Variants in JMJD1C observed in about 807,000 individuals in gnomAD.
The protein encoded by JMJD1C is jumonji domain-containing protein 1C.
In JMJD1C, 31 loss-of-function variants were observed where a neutral mutation model predicts 245.3. That is an observed-to-expected ratio of 0.13 (90% CI 0.09 to 0.17). JMJD1C has a LOEUF of 0.17. JMJD1C is among the 10% of genes least tolerant of loss of function. The probability of loss-of-function intolerance (pLI) is 1.00; values close to 1 mark genes in which losing one functional copy is unlikely to be tolerated. For synonymous variants in JMJD1C, 1,057 were observed against 1,017.4 expected (o/e 1.04, Z -0.74); for missense variants, 2,691 against 3,000.2 (o/e 0.90, Z 2.41).
At chr10:63,170,585 A>G (rs1329258073) in intron 24 of JMJD1C, among the ~76,000 whole-genome samples, 3 of 152,214 alleles carry the variant, frequency 2.0e-5, no homozygotes, top group Non-Finnish European at 4.4e-5. Context: ...TTTCTTCATT[A>G]AGCAGTCTCT....
At chr10:63,286,420 G>A (rs1027588898) in intron 2 of JMJD1C, among the ~76,000 whole-genome samples, 3 of 152,190 alleles carry the variant, frequency 2.0e-5, no homozygotes, top group East Asian at 1.9e-4. Flanking sequence ...CCGTGAACAC[G>A]GTTAAGAACA....
At chr10:63,249,027 G>A (rs954993823) in intron 3 of JMJD1C, among the ~76,000 whole-genome samples, 1 of 152,162 alleles carries the variant, frequency 6.6e-6, no homozygotes, top group Non-Finnish European at 1.5e-5. Context: ...TTAACAAGTG[G>A]ATGCTTGGCC....
chr10:63,249,073 T>C (rs1852683360), intron 3 of JMJD1C, among the ~76,000 whole-genome samples: 1 of 152,186 alleles, frequency 6.6e-6, no homozygotes, highest in African/African-American at 2.4e-5. Context: ...CCCAGCACTT[T>C]GGGAGGCCAA....
chr10:63,315,951 A>C (rs986377506), intron 2 of JMJD1C, among the ~76,000 whole-genome samples: 5 of 151,940 alleles, frequency 3.3e-5, no homozygotes, highest in Non-Finnish European at 7.4e-5. Context: ...GACAGAGTAC[A>C]TGAGCCCAGG....
At chr10:63,193,277 C>A in intron 15 of JMJD1C, 68 bp downstream of exon 15, 1 of 1,513,224 alleles carries the variant, frequency 6.6e-7, no homozygotes, top group South Asian at 1.2e-5. Context: ...AACCAAATTT[C>A]AAATAAATAT....
chr10:63,191,871 G>A (rs531042577), intron 16 of JMJD1C, among the ~76,000 whole-genome samples: 25 of 124,292 alleles, frequency 2.0e-4, no homozygotes, highest in South Asian at 2.9e-4. Context: ...TGTACTCCCC[G>A]CTACTTGGGA....
At chr10:63,508,118 G>C (rs1954776795) in intron 1 of JMJD1C, among the ~76,000 whole-genome samples, 2 of 152,132 alleles carry the variant, frequency 1.3e-5, no homozygotes, top group South Asian at 4.2e-4. Flanking sequence ...TGACTTTCTA[G>C]ATACTACACC....
At chr10:63,268,848 G>C in intron 2 of JMJD1C, 1 of 985,852 alleles carries the variant, frequency 1.0e-6, no homozygotes, top group South Asian at 4.7e-5. Context: ...CTCACTTGCA[G>C]CGGCGTCATT....
At chr10:63,271,635 ACTGCCTCCTGGGTTCAAGCGATTCTC>A (rs1434724764) in intron 2 of JMJD1C, among the ~76,000 whole-genome samples, 3 of 151,082 alleles carry the variant, frequency 2.0e-5, no homozygotes, top group Non-Finnish European at 4.4e-5. Flanking sequence ...CACTGCAACC[ACTGCCTCCTGGGTTCAAGCGATTCTC>A]CTGCCTCAGC....
chr10:63,298,332 G>A (rs1240085566), intron 2 of JMJD1C, among the ~76,000 whole-genome samples: 3 of 152,226 alleles, frequency 2.0e-5, no homozygotes, highest in Admixed American at 1.3e-4. Context: ...CTGGTGAAGT[G>A]ACATCTGTGA....
chr10:63,313,865 T>C (rs997940276), intron 2 of JMJD1C, among the ~76,000 whole-genome samples: 1 of 152,218 alleles, frequency 6.6e-6, no homozygotes, highest in Admixed American at 6.5e-5. Flanking sequence ...CTGTGAGGAT[T>C]TTCTCCCACT....
Position 63,349,100 on chromosome 10 carries a change from C to CAAAAAAA in JMJD1C, c.333+31211_333+31217dup, listed in dbSNP as rs71463516. 6.7e-3 allele frequency among the ~76,000 whole-genome samples: 235 copies of CAAAAAAA among 34,854 alleles called. 54 individuals are homozygous for CAAAAAAA. The highest frequency in any genetic ancestry group is 0.027 in the African/African-American group (225 of 8,270). The allele number at this position is 34,854 out of a possible 152,430, so 22.9% of individuals were successfully genotyped here. On this transcript the variant is annotated intron_variant, in intron 2 of 25. Coordinates refer to ENST00000399262, the MANE Select transcript of JMJD1C (RefSeq NM_032776.3). ...TGGGTGACAGAGTGAGACTCTGTCTCAAAAAAAAAAAAAAAAAAAAAAAAA... is the reference window on the plus strand; with the variant it reads ...TGGGTGACAGAGTGAGACTCTGTCTCAAAAAAAAAAAAAAAAAAAAAAAAAAAAAAAA...
intron 1 of JMJD1C, among the ~76,000 whole-genome samples, chr10:63,430,312 G>A (rs1412298247): frequency 1.3e-5 from 2 of 152,146 alleles, no homozygotes; most frequent in East Asian, 3.8e-4. Flanking sequence ...GACACCAAAA[G>A]CACAAGTAAC....
chr10:63,382,786 T>A, intron 1 of JMJD1C: 1 of 455,978 alleles, frequency 2.2e-6, no homozygotes, highest in East Asian at 6.9e-5. Flanking sequence ...GCCACCCATC[T>A]TCTGCTCCCT....
At chr10:63,171,686 CAG>C (rs1842382507) in intron 24 of JMJD1C, among the ~76,000 whole-genome samples, 1 of 151,684 alleles carries the variant, frequency 6.6e-6, no homozygotes, top group Admixed American at 6.5e-5. Context: ...GGTCCCTCCC[CAG>C]ACCCATTGAA....
Position 63,176,335 on chromosome 10 carries a change from CAAGGAA to C in JMJD1C, c.7357_7362del (p.Phe2453_Leu2454del). 1 of 1,613,552 alleles carries C rather than the reference CAAGGAA, an allele frequency of 6.2e-7. No individual in the cohort carries two copies. Among genetic ancestry groups the C allele is most frequent in the Non-Finnish European group, 8.5e-7 (1 of 1,179,716 alleles). ...CCCGCTGGCAAAACAATAGCATCAC[CAAGGAA>C]CTGAATAAGAGTACAGGTTCTGACT... On this transcript the variant is annotated inframe_deletion, in exon 24 of 26. Coordinates refer to ENST00000399262, the MANE Select transcript of JMJD1C (RefSeq NM_032776.3).
At chr10:63,334,012 G>C (rs1249623911) in intron 2 of JMJD1C, among the ~76,000 whole-genome samples, 1 of 152,042 alleles carries the variant, frequency 6.6e-6, no homozygotes, top group African/African-American at 2.4e-5. Flanking sequence ...CTGATAAAAA[G>C]AAAGTAAGTA....
At chr10:63,413,394 T>C (rs1357513737) in intron 1 of JMJD1C, among the ~76,000 whole-genome samples, 1 of 152,126 alleles carries the variant, frequency 6.6e-6, no homozygotes, top group Non-Finnish European at 1.5e-5. Context: ...ATTCTTAAAA[T>C]TTATGACATA....
chr10:63,420,501 TCAAGACCAGCCTGGA>T (rs1950058518), intron 1 of JMJD1C, among the ~76,000 whole-genome samples: 1 of 150,836 alleles, frequency 6.6e-6, no homozygotes, highest in South Asian at 2.1e-4. Context: ...ACTTTGTAGT[TCAAGACCAGCCTGGA>T]CAACATGGCA....
Sources: allele counts gnomAD v4.1 joint callset (sites outside exome capture counted in the v4.1 genomes callset), GRCh38; gene constraint gnomAD v4.1.1; transcripts MANE v1.5; gene names NCBI Gene and HGNC (gene_info 2026-07-23, HGNC 2026-07-21).